CDH8: variants seen among roughly 807,000 people sequenced by gnomAD.
CDH8 encodes cadherin-8.
CDH8 carries 17 observed loss-of-function variants against 68.1 expected under a neutral mutation model. The observed-to-expected ratio is 0.25, with a 90% CI of 0.17 to 0.37. The LOEUF is 0.37. CDH8 is among the 10% of genes least tolerant of loss of function. CDH8 has a pLI of 1.00. For missense variants in CDH8, 763 were observed against 999.3 expected, an observed-to-expected ratio of 0.76 and a Z score of 3.19; for synonymous variants, 372 against 365.1, an observed-to-expected ratio of 1.02 and a Z score of -0.21.
intron 2 of CDH8, among the ~76,000 whole-genome samples, chr16:61,965,875 A>G (rs1276963026): frequency 6.6e-6 from 1 of 152,218 alleles, no homozygotes; most frequent in South Asian, 2.1e-4. Context: ...TCTTTAGCAT[A>G]ACATGTATGG....
intron 8 of CDH8, among the ~76,000 whole-genome samples, chr16:61,759,660 T>A (rs1433536598): frequency 1.3e-5 from 2 of 152,172 alleles, no homozygotes; most frequent in African/African-American, 4.8e-5. Context: ...CTACAGAAAT[T>A]ATCCTTATTC....
At chr16:61,743,746 A>G (rs1292580376) in intron 8 of CDH8, among the ~76,000 whole-genome samples, 1 of 151,944 alleles carries the variant, frequency 6.6e-6, no homozygotes, top group African/African-American at 2.4e-5. Flanking sequence ...TGCTTAGATA[A>G]TTGATTTTCA....
At chr16:61,994,099 G>C (rs1206395918) in intron 2 of CDH8, among the ~76,000 whole-genome samples, 1 of 152,074 alleles carries the variant, frequency 6.6e-6, no homozygotes. Flanking sequence ...AAGCTGTGGG[G>C]CTAAGTATAT....
At chr16:61,771,611 T>A (rs1374578208) in intron 8 of CDH8, among the ~76,000 whole-genome samples, 1 of 151,378 alleles carries the variant, frequency 6.6e-6, no homozygotes, top group Non-Finnish European at 1.5e-5. Flanking sequence ...AACATCAAAC[T>A]CAGTACAATC....
At chr16:61,746,713 A>T (rs1960033267) in intron 8 of CDH8, among the ~76,000 whole-genome samples, 1 of 152,042 alleles carries the variant, frequency 6.6e-6, no homozygotes, top group Non-Finnish European at 1.5e-5. Flanking sequence ...GTGAGTTCAA[A>T]GGACACTGTG....
At chr16:61,660,750 G>A (rs772801031) in intron 10 of CDH8, among the ~76,000 whole-genome samples, 29 of 151,796 alleles carry the variant, frequency 1.9e-4, no homozygotes, top group Non-Finnish European at 2.8e-4. Context: ...AAGGCCAGAC[G>A]GACGTGGGAT....
rs1363854314 is a variant in CDH8 at position 61,789,456 on chromosome 16, A to G, written c.1304T>C (p.Leu435Pro). 6.2e-7 allele frequency: 1 copy of G among 1,612,820 alleles called. No homozygotes were observed. The highest frequency in any genetic ancestry group is 8.5e-7 in the Non-Finnish European group (1 of 1,179,280). Residue 435 changes from leucine to proline, a missense_variant, in exon 8 of 12, where the codon CTG (leucine) becomes CCG (proline). By Grantham distance (98) the Leu-to-Pro change is moderately conservative. Around this residue, in one of 2 missense-constraint regions of CDH8, gnomAD observed 366 missense variants for 563.1 expected, o/e 0.65. Transcript: ENST00000577390. ...TGCATTAATGTTGAACTGCCTCTCC[A>G]GGTCAGTGTGCCGGTCGATGGAAAA... The part of the protein sequence containing the change: ...IRFSIDRHTD[L>P]ERQFNINADD...
At chr16:61,779,022 G>T (rs899048455) in intron 8 of CDH8, among the ~76,000 whole-genome samples, 27 of 152,138 alleles carry the variant, frequency 1.8e-4, no homozygotes, top group African/African-American at 6.3e-4. Context: ...GCTGTAGTGG[G>T]CCAGAGCAAT....
At chr16:61,840,386 C>T (rs1022339263) in intron 4 of CDH8, among the ~76,000 whole-genome samples, 2 of 152,156 alleles carry the variant, frequency 1.3e-5, no homozygotes, top group African/African-American at 2.4e-5. Flanking sequence ...TCTCACCCAA[C>T]CATTGAAGTC....
intron 10 of CDH8, among the ~76,000 whole-genome samples, chr16:61,665,804 CT>C (rs766191052): frequency 1.9e-4 from 23 of 123,054 alleles, no homozygotes; most frequent in East Asian, 7.0e-4. Flanking sequence ...TCCTTCCTTC[CT>C]TTCCCTCCTT....
chr16:61,796,083 A>T (rs1468258732), intron 7 of CDH8, among the ~76,000 whole-genome samples: 1 of 152,082 alleles, frequency 6.6e-6, no homozygotes, highest in Non-Finnish European at 1.5e-5. Flanking sequence ...ACACTTATTA[A>T]GCATGGAATA....
At chr16:61,943,740 T>C (rs1325669914) in intron 2 of CDH8, among the ~76,000 whole-genome samples, 1 of 152,198 alleles carries the variant, frequency 6.6e-6, no homozygotes, top group Admixed American at 6.5e-5. Context: ...CTAATGCAGA[T>C]AGTAGAACAA....
chr16:61,822,169 C>A (rs1042770445), intron 5 of CDH8, among the ~76,000 whole-genome samples: 1 of 139,302 alleles, frequency 7.2e-6, no homozygotes, highest in Non-Finnish European at 1.5e-5. Flanking sequence ...GATAAAGTTC[C>A]AGTAACCCAC....
chr16:61,913,488 C>T (rs2143336975), intron 2 of CDH8, among the ~76,000 whole-genome samples: 1 of 152,230 alleles, frequency 6.6e-6, no homozygotes, highest in African/African-American at 2.4e-5. Context: ...CTGGAACCAA[C>T]CTCTCATGGA....
intron 8 of CDH8, among the ~76,000 whole-genome samples, chr16:61,733,000 G>A (rs573668566): frequency 6.6e-6 from 1 of 151,608 alleles, no homozygotes; most frequent in African/African-American, 2.4e-5. Flanking sequence ...CAAAAGCTAT[G>A]AATATATACT....
intron 10 of CDH8, among the ~76,000 whole-genome samples, chr16:61,675,731 A>T (rs925446353): frequency 6.6e-6 from 1 of 151,738 alleles, no homozygotes; most frequent in Non-Finnish European, 1.5e-5. Flanking sequence ...TATAGAAATA[A>T]AATATGAGAT....
intron 2 of CDH8, among the ~76,000 whole-genome samples, chr16:61,957,567 TATATATAGATATATGAAC>T (rs113882405): frequency 0.047 from 7,089 of 152,198 alleles, 535 homozygotes; most frequent in African/African-American, 0.16. Flanking sequence ...CCAACTAAAA[TATATATAGATATATGAAC>T]ATATATAGAT....
intron 2 of CDH8, among the ~76,000 whole-genome samples, chr16:61,930,509 T>C (rs1340551479): frequency 1.3e-5 from 2 of 152,152 alleles, no homozygotes; most frequent in African/African-American, 2.4e-5. Context: ...CAGTGCACCC[T>C]TGAAAAGTAT....
intron 10 of CDH8, among the ~76,000 whole-genome samples, chr16:61,664,591 T>C (rs1337610698): frequency 6.6e-6 from 1 of 151,948 alleles, no homozygotes; most frequent in Non-Finnish European, 1.5e-5. Context: ...GGTTTGTGTA[T>C]GAAAATTTAA....
Sources: gnomAD v4.1 joint callset for allele counts (sites outside exome capture counted in the v4.1 genomes callset) on GRCh38, gnomAD v4.1.1 for gene constraint, gnomAD v4.1.1 regional missense constraint, MANE v1.5 for transcripts, NCBI Gene and HGNC (gene_info 2026-07-23, HGNC 2026-07-21) for gene names.